The following MRRF variants were observed in gnomAD, a reference collection of about 807,000 sequenced individuals.
MRRF encodes the protein mitochondrial ribosome recycling factor.
A neutral mutation model predicts 25.1 loss-of-function variants in MRRF; 18 were observed. That is an observed-to-expected ratio of 0.72 (90% CI 0.50 to 1.06). The LOEUF (loss-of-function observed/expected upper bound fraction) is 1.06. MRRF is among the 50% of genes least tolerant of loss of function. The probability of loss-of-function intolerance (pLI) is 0.00; values close to 1 mark genes in which losing one functional copy is unlikely to be tolerated. For synonymous variants in MRRF, 113 were observed against 112.1 expected (o/e 1.01, Z -0.05); for missense variants, 323 against 319.3 (o/e 1.01, Z -0.09).
At chr9:122,319,033 G>A (rs572313177) in intron 6 of MRRF, among the ~76,000 whole-genome samples, 27 of 152,260 alleles carry the variant, frequency 1.8e-4, no homozygotes, top group African/African-American at 5.8e-4. Flanking sequence ...GGAATGAGGC[G>A]GGACTAGGCC....
chr9:122,281,500 A>G (rs1034830572), intron 3 of MRRF, among the ~76,000 whole-genome samples: 1 of 152,262 alleles, frequency 6.6e-6, no homozygotes, highest in Non-Finnish European at 1.5e-5. Context: ...GATGAGATCC[A>G]GTGTGAAACT....
At chr9:122,289,483 TA>T (rs761484954) in intron 4 of MRRF, among the ~76,000 whole-genome samples, 1 of 152,070 alleles carries the variant, frequency 6.6e-6, no homozygotes, top group Non-Finnish European at 1.5e-5. Context: ...GATGGGGTGT[TA>T]CAGTAGTGAT....
rs1836219905 is a variant in MRRF at position 122,329,199 on chromosome 9, C to G, written c.*6582C>G. 6.6e-6 allele frequency: 1 copy of G among 152,144 alleles called. No individual in the cohort carries two copies. The highest frequency in any genetic ancestry group is 1.5e-5 in the Non-Finnish European group (1 of 68,030). 9.4% of individuals were successfully genotyped at this position (152,144 alleles called of 1,614,324 possible). A position where few individuals can be genotyped will look rare whatever the true frequency, so the allele number is the denominator to read the frequency against. ...TGCATCTCTTACAACTACCCTGATACCACCAGTGCTTAAGCGAAACGGAAT... is the reference window on the plus strand; with the variant it reads ...TGCATCTCTTACAACTACCCTGATAGCACCAGTGCTTAAGCGAAACGGAAT... On this transcript the variant is annotated 3_prime_UTR_variant, in exon 7 of 7. Transcript: ENST00000344641.
rs771838570 is a variant in MRRF at position 122,270,938 on chromosome 9, G to A, written c.47G>A (p.Arg16His). Residue 16 changes from arginine to histidine, a missense_variant, in exon 2 of 7, where the codon CGC becomes CAC. Arg to His is a conservative substitution (Grantham distance 29). Transcript: ENST00000344641. Reference protein sequence around the residue: ...KCFRMVHPTFRNYLAASIRPV... With the variant: ...KCFRMVHPTFHNYLAASIRPV... ...TTCCGCATGGTCCACCCTACCTTTC[G>A]CAATTATCTTGCAGCCTCTATCAGA... The A allele has an allele frequency of 1.2e-6, 2 of 1,614,066 alleles. No individual in the cohort carries two copies. The highest frequency in any genetic ancestry group is 1.7e-6 in the Non-Finnish European group (2 of 1,180,014).
intron 2 of MRRF, among the ~76,000 whole-genome samples, chr9:122,274,328 A>G (rs927216066): frequency 2.6e-5 from 4 of 152,208 alleles, no homozygotes; most frequent in Non-Finnish European, 2.9e-5. Context: ...TCATGCTGCT[A>G]TGAAGAAAAA....
At chr9:122,304,062 A>AACAC (rs66775611) in intron 5 of MRRF, among the ~76,000 whole-genome samples, 5,216 of 139,824 alleles carry the variant, frequency 0.037, 98 homozygotes, top group East Asian at 0.046. Flanking sequence ...ACCCTTTTCT[A>AACAC]ACACACACAC....
Position 122,328,079 on chromosome 9 carries a change from C to G in MRRF, c.*5462C>G, listed in dbSNP as rs1836187059. Reference sequence around the variant, plus strand: ...TGACAACCTGGGCTGAAGCAATCCTCCCACCTCAGCCTCCTGAGTAGCTGG... The same window carrying G: ...TGACAACCTGGGCTGAAGCAATCCTGCCACCTCAGCCTCCTGAGTAGCTGG... On this transcript the variant is annotated 3_prime_UTR_variant, in exon 7 of 7. Transcript: ENST00000344641. 6.6e-6 allele frequency: 1 copy of G among 152,142 alleles called. No homozygotes were observed. The highest frequency in any genetic ancestry group is 1.5e-5 in the Non-Finnish European group (1 of 68,048). 9.4% of individuals were successfully genotyped at this position (152,142 alleles called of 1,614,324 possible). A position where few individuals can be genotyped will look rare whatever the true frequency, so the allele number is the denominator to read the frequency against.
intron 4 of MRRF, among the ~76,000 whole-genome samples, chr9:122,289,149 T>C (rs925888449): frequency 2.0e-5 from 3 of 152,206 alleles, no homozygotes; most frequent in Admixed American, 1.3e-4. Context: ...GGTTTCTTTG[T>C]AAAATGAAAC....
At position 122,329,534 on chromosome 9, in the gene MRRF, A is replaced by G. The variant is rs890407839; in HGVS notation, c.*6917A>G. On this transcript the variant is annotated 3_prime_UTR_variant, in exon 7 of 7. Coordinates refer to ENST00000344641, the MANE Select transcript of MRRF (RefSeq NM_138777.5). ...TGCCTCAAGCATCTGACGTTCAGCT[A>G]CCCACCTGCGTTTCCTCTCTCAGGA... The G allele has an allele frequency of 1.3e-5, 2 of 152,216 alleles. No homozygotes were observed. The highest frequency in any genetic ancestry group is 2.9e-5 in the Non-Finnish European group (2 of 68,068). 9.4% of individuals were successfully genotyped at this position (152,216 alleles called of 1,614,324 possible).
chr9:122,294,599 A>C (rs1182183019), intron 5 of MRRF, among the ~76,000 whole-genome samples: 1 of 152,200 alleles, frequency 6.6e-6, no homozygotes, highest in Non-Finnish European at 1.5e-5. Context: ...TCCAGATAAA[A>C]AATGAATGAT....
chr9:122,322,439 A>G (rs572711383), intron 6 of MRRF, 101 bp from the exon 7 acceptor site: 2 of 1,024,504 alleles, frequency 2.0e-6, no homozygotes, highest in African/African-American at 1.6e-5. Flanking sequence ...TTTTGTCACT[A>G]TTATTATTTC....
At chr9:122,279,681 G>T (rs573509661) in intron 2 of MRRF, among the ~76,000 whole-genome samples, 1 of 152,120 alleles carries the variant, frequency 6.6e-6, no homozygotes, top group Non-Finnish European at 1.5e-5. Context: ...GACATAAAAT[G>T]AAATTATATT....
At chr9:122,284,505 A>T (rs1833264075) in intron 3 of MRRF, among the ~76,000 whole-genome samples, 1 of 152,190 alleles carries the variant, frequency 6.6e-6, no homozygotes, top group Non-Finnish European at 1.5e-5. Context: ...CAAGGCACAG[A>T]GAAGATAAAT....
Position 122,327,298 on chromosome 9 carries a change from A to C in MRRF, c.*4681A>C, listed in dbSNP as rs1360455616. 1 of 152,202 alleles carries C rather than the reference A, an allele frequency of 6.6e-6. No homozygotes were observed. The highest frequency in any genetic ancestry group is 1.5e-5 in the Non-Finnish European group (1 of 68,040). The allele number at this position is 152,202 out of a possible 1,614,324, so 9.4% of individuals were successfully genotyped here. A position where few individuals can be genotyped will look rare whatever the true frequency, so the allele number is the denominator to read the frequency against. On this transcript the variant is annotated 3_prime_UTR_variant, in exon 7 of 7. Transcript: ENST00000344641. ...TAACAGTATTGACAGATCAGTAACT[A>C]ATATTTGCTTGGTGCTTTTTAGTTT...
chr9:122,314,569 T>TTGA (rs1365299302), intron 6 of MRRF, among the ~76,000 whole-genome samples: 4 of 152,238 alleles, frequency 2.6e-5, no homozygotes, highest in Non-Finnish European at 5.9e-5. Flanking sequence ...TTTCCAGAGA[T>TTGA]TGAGTCAATG....
chr9:122,322,736 G>A lies in MRRF; in HGVS notation c.*119G>A. On this transcript the variant is annotated 3_prime_UTR_variant, in exon 7 of 7. Transcript: ENST00000344641. ...GAAGACTGTCACCATGCTGACAGAAGCCTGTCCTTGTAAGGCCCAGCCTTC... is the reference window on the plus strand; with the variant it reads ...GAAGACTGTCACCATGCTGACAGAAACCTGTCCTTGTAAGGCCCAGCCTTC... 1 of 897,412 alleles carries A rather than the reference G, an allele frequency of 1.1e-6. No homozygotes were observed. The highest frequency in any genetic ancestry group is 1.6e-5 in the African/African-American group (1 of 60,770). 55.6% of individuals were successfully genotyped at this position (897,412 alleles called of 1,614,324 possible).
rs774690809 is a variant in MRRF at position 122,280,499 on chromosome 9, G to C, written c.241G>C (p.Asp81His). 451 of 1,613,994 alleles carry C rather than the reference G, an allele frequency of 2.8e-4. No homozygotes were observed. Among genetic ancestry groups the C allele is most frequent in the Non-Finnish European group, 3.8e-4 (444 of 1,179,872 alleles). Residue 81 changes from aspartate (D) to histidine (H), a missense_variant, in exon 3 of 7, where the codon GAT becomes CAT. Transcript: ENST00000344641. ...RVNINAALVEDIINLEEVNEE... is the reference protein window; with the variant it reads ...RVNINAALVEHIINLEEVNEE... ...GAATATTAATGCTGCCTTGGTTGAGGATATAATCAACTTGGAAGAGGTGAA... is the reference window on the plus strand; with the variant it reads ...GAATATTAATGCTGCCTTGGTTGAGCATATAATCAACTTGGAAGAGGTGAA...
In MRRF at chr9:122,322,670, G is replaced by C. The variant is rs1835962575; in HGVS notation, c.*53G>C. The C allele has an allele frequency of 6.6e-7, 1 of 1,523,054 alleles. No individual in the cohort carries two copies. Among genetic ancestry groups the C allele is most frequent in the African/African-American group, 1.4e-5 (1 of 73,042 alleles). The allele number at this position is 1,523,054 out of a possible 1,614,324, so 94.3% of individuals were successfully genotyped here. A position where few individuals can be genotyped will look rare whatever the true frequency, so the allele number is the denominator to read the frequency against. On this transcript the variant is annotated 3_prime_UTR_variant, in exon 7 of 7. Transcript: ENST00000344641. ...GAGCCCAGTTTCTGCTGGATCCCATGGGTGGCACATTGGGACTTCTCTCCC... is the reference window on the plus strand; with the variant it reads ...GAGCCCAGTTTCTGCTGGATCCCATCGGTGGCACATTGGGACTTCTCTCCC...
intron 1 of MRRF, among the ~76,000 whole-genome samples, chr9:122,268,116 GT>G (rs1457823096): frequency 1.3e-5 from 2 of 152,154 alleles, no homozygotes; most frequent in Non-Finnish European, 2.9e-5. Context: ...TACCCTTAAG[GT>G]AAAGGACCTA....
Sources: gnomAD v4.1 joint callset for allele counts (sites outside exome capture counted in the v4.1 genomes callset) on GRCh38, gnomAD v4.1.1 for gene constraint, MANE v1.5 for transcripts, NCBI Gene and HGNC (gene_info 2026-07-23, HGNC 2026-07-21) for gene names.